The following MACROD2 variants were observed in gnomAD, a reference collection of about 807,000 sequenced individuals.
MACROD2 encodes mono-ADP ribosylhydrolase 2.
MACROD2 carries 36 observed loss-of-function variants against 70.4 expected under a neutral mutation model. That is an observed-to-expected ratio of 0.51 (90% CI 0.39 to 0.68). The LOEUF (loss-of-function observed/expected upper bound fraction) is 0.68, where lower values mean the gene tolerates loss of function less well. Ranked by LOEUF, MACROD2 falls within the 30% of genes least tolerant of loss-of-function variation. The pLI is 0.00. For missense variants in MACROD2, 496 were observed against 538.4 expected (o/e 0.92, Z 0.78); for synonymous variants, 172 against 178.8 (o/e 0.96, Z 0.30).
chr20:15,294,120 TAA>T (rs10644931), intron 6 of MACROD2, among the ~76,000 whole-genome samples: 6,178 of 118,280 alleles, frequency 0.052, 133 homozygotes, highest in South Asian at 0.074. Flanking sequence ...AAACTCTGTC[TAA>T]AAAAAAAAAA....
intron 4 of MACROD2, among the ~76,000 whole-genome samples, chr20:14,514,522 A>T (rs924675475): frequency 2.6e-5 from 4 of 152,128 alleles, no homozygotes; most frequent in African/African-American, 9.7e-5. Flanking sequence ...TTATCCACCA[A>T]TCTGAAACAA....
intron 8 of MACROD2, among the ~76,000 whole-genome samples, chr20:15,518,582 AAGG>A (rs973456075): frequency 6.6e-6 from 1 of 152,196 alleles, no homozygotes; most frequent in Non-Finnish European, 1.5e-5. Flanking sequence ...TAAAAGCAAA[AAGG>A]AGAAGAGGGA....
intron 3 of MACROD2, among the ~76,000 whole-genome samples, chr20:14,285,550 C>A (rs2082336998): frequency 6.6e-6 from 1 of 151,416 alleles, no homozygotes; most frequent in South Asian, 2.1e-4. Flanking sequence ...AGGATGATTT[C>A]TTTTAACTTG....
Position 15,555,828 on chromosome 20 carries a change from C to CAAAAAAAAAAAAAAAAAA in MACROD2, c.645+55990_645+56007dup, listed in dbSNP as rs397838341. 8.1e-4 allele frequency among the ~76,000 whole-genome samples: 15 copies of CAAAAAAAAAAAAAAAAAA among 18,548 alleles called. 1 individual carries two copies. The highest frequency in any genetic ancestry group is 1.2e-3 in the African/African-American group (7 of 5,806). The allele number at this position is 18,548 out of a possible 152,430, so 12.2% of individuals were successfully genotyped here. A position where few individuals can be genotyped will look rare whatever the true frequency, so the allele number is the denominator to read the frequency against. ...TGGGTGACAGACTGAGACTCCATCT[C>CAAAAAAAAAAAAAAAAAA]AAAAAAAAAAAAAAAAAAAAAAAAA... On this transcript the variant is annotated intron_variant, in intron 8 of 17. Transcript: ENST00000684519.
At chr20:14,998,082 G>T (rs918813915) in intron 5 of MACROD2, among the ~76,000 whole-genome samples, 1 of 152,184 alleles carries the variant, frequency 6.6e-6, no homozygotes, top group Non-Finnish European at 1.5e-5. Flanking sequence ...AGTGACCAAA[G>T]ATTAGATCAC....
chr20:15,621,804 C>CA (rs2049129742), intron 8 of MACROD2, among the ~76,000 whole-genome samples: 1 of 152,172 alleles, frequency 6.6e-6, no homozygotes. Flanking sequence ...CATACCCCAC[C>CA]AAGCCACGCA....
chr20:15,357,963 C>T (rs577121912), intron 6 of MACROD2, among the ~76,000 whole-genome samples: 6 of 152,162 alleles, frequency 3.9e-5, no homozygotes, highest in Non-Finnish European at 5.9e-5. Context: ...CCCACCACCA[C>T]GCCCGGCTAA....
intron 3 of MACROD2, among the ~76,000 whole-genome samples, chr20:14,369,374 T>G (rs890449287): frequency 5.3e-5 from 8 of 152,208 alleles, no homozygotes; most frequent in Non-Finnish European, 4.4e-5. Context: ...CCTGCAGTTT[T>G]GAAGACTGCT....
At chr20:14,319,774 TC>T (rs1193814854) in intron 3 of MACROD2, among the ~76,000 whole-genome samples, 4 of 152,174 alleles carry the variant, frequency 2.6e-5, no homozygotes, top group Middle Eastern at 3.4e-3. Context: ...TCCTCTGCAA[TC>T]CCCCCCTTTT....
At chr20:14,290,096 T>C (rs1169390724) in intron 3 of MACROD2, among the ~76,000 whole-genome samples, 1 of 152,128 alleles carries the variant, frequency 6.6e-6, no homozygotes, top group Non-Finnish European at 1.5e-5. Flanking sequence ...AGTGCATCTG[T>C]TTTTGGTTTG....
intron 5 of MACROD2, among the ~76,000 whole-genome samples, chr20:15,138,139 A>G (rs557783561): frequency 1.3e-5 from 2 of 152,278 alleles, no homozygotes; most frequent in African/African-American, 4.8e-5. Context: ...ATACTTCTGT[A>G]GAGAGTTTTT....
At chr20:15,735,243 G>C (rs1047437071) in intron 8 of MACROD2, among the ~76,000 whole-genome samples, 1 of 152,178 alleles carries the variant, frequency 6.6e-6, no homozygotes, top group Non-Finnish European at 1.5e-5. Flanking sequence ...TTACAGGTGA[G>C]AGCCACTGCA....
intron 4 of MACROD2, among the ~76,000 whole-genome samples, chr20:14,495,111 A>G (rs6079463): frequency 0.26 from 38,816 of 152,046 alleles, 5,926 homozygotes; most frequent in African/African-American, 0.42. Context: ...AAATCACTTT[A>G]GCCACTATAA....
intron 8 of MACROD2, among the ~76,000 whole-genome samples, chr20:15,645,336 G>A (rs756481932): frequency 2.6e-5 from 4 of 152,130 alleles, no homozygotes; most frequent in Non-Finnish European, 5.9e-5. Flanking sequence ...CTGTGTTTCC[G>A]TAACTGTTTA....
At chr20:14,330,407 A>G (rs1445634131) in intron 3 of MACROD2, among the ~76,000 whole-genome samples, 1 of 152,058 alleles carries the variant, frequency 6.6e-6, no homozygotes, top group Non-Finnish European at 1.5e-5. Context: ...TAAGGACTAA[A>G]GTAGTAGCAA....
chr20:14,396,021 C>T (rs1042749357), intron 3 of MACROD2, among the ~76,000 whole-genome samples: 1 of 152,174 alleles, frequency 6.6e-6, no homozygotes, highest in African/African-American at 2.4e-5. Context: ...TTCCAAGTAG[C>T]TGGGACTACA....
At chr20:14,549,242 T>C (rs1312951250) in intron 4 of MACROD2, among the ~76,000 whole-genome samples, 2 of 152,196 alleles carry the variant, frequency 1.3e-5, no homozygotes, top group African/African-American at 2.4e-5. Context: ...GAATCTATAT[T>C]TGGGGGGAGA....
chr20:14,318,883 G>A (rs1183930070), intron 3 of MACROD2, among the ~76,000 whole-genome samples: 3 of 152,072 alleles, frequency 2.0e-5, no homozygotes, highest in Admixed American at 2.0e-4. Context: ...CATGTGATTG[G>A]CATTTTTCTT....
rs141735153 is a variant in MACROD2, at chr20:14,847,798, T to A, written c.418+162839T>A. Among the ~76,000 whole-genome samples the A allele has an allele frequency of 2.2e-3, 328 of 152,300 alleles. 1 individual carries two copies. Among genetic ancestry groups the A allele is most frequent in the African/African-American group, 7.5e-3 (313 of 41,566 alleles). On this transcript the variant is annotated intron_variant, in intron 5 of 17. Transcript: ENST00000684519. ...TCTGTCACTGTATTATACTCTGAAT[T>A]AATGAGCTGTTTGCCACCTCAGAGC... is the stretch of plus-strand genomic sequence containing the variant.
Sources: allele counts gnomAD v4.1 joint callset (sites outside exome capture counted in the v4.1 genomes callset), GRCh38; gene constraint gnomAD v4.1.1; transcripts MANE v1.5; gene names NCBI Gene and HGNC (gene_info 2026-07-23, HGNC 2026-07-21).